Variants in COPG2 observed in about 807,000 individuals in gnomAD.
COPG2 encodes the protein coat protein complex I subunit gamma 2.
A neutral mutation model predicts 46.3 loss-of-function variants in COPG2; 37 were observed. That is an observed-to-expected ratio of 0.80 (90% CI 0.61 to 1.05). COPG2 has a LOEUF of 1.05. Ranked by LOEUF, COPG2 falls within the 50% of genes least tolerant of loss-of-function variation. COPG2 has a pLI of 0.00. For synonymous variants in COPG2, 159 were observed against 129.7 expected (o/e 1.23, Z -1.53); for missense variants, 427 against 387.8 (o/e 1.10, Z -0.85).
intron 20 of COPG2, chr7:130,509,075 A>T (rs1407543513): frequency 8.7e-6 from 4 of 459,012 alleles, no homozygotes; most frequent in Non-Finnish European, 1.3e-5. Flanking sequence ...CATACAGATC[A>T]TCAGATTAAC....
intron 20 of COPG2, among the ~76,000 whole-genome samples, chr7:130,532,705 G>A (rs1799840582): frequency 6.6e-6 from 1 of 152,150 alleles, no homozygotes; most frequent in Admixed American, 6.5e-5. Flanking sequence ...AAGGTATCGG[G>A]AAGGCTTCTG....
chr7:130,517,206 C>G (rs917693676), intron 20 of COPG2, among the ~76,000 whole-genome samples: 10 of 152,042 alleles, frequency 6.6e-5, no homozygotes, highest in Admixed American at 3.9e-4. Context: ...ATTCTTGGAT[C>G]AAGGTTATGA....
In COPG2 at chr7:130,555,143, A is replaced by G. The variant is rs1211403347; in HGVS notation, c.1129-11T>C. ...CTGTACAACCACCACCTGTAGAAAA[A>G]CAAAAAGAATATTCATTTTTATGAC... is the stretch of plus-strand genomic sequence containing the variant. On this transcript the variant is annotated splice_polypyrimidine_tract_variant and intron_variant, in intron 12 of 23. Coordinates refer to ENST00000425248, the MANE Select transcript of COPG2 (RefSeq NM_012133.6). 21 of 398,296 alleles carry G rather than the reference A, an allele frequency of 5.3e-5. No individual in the cohort carries two copies. The highest frequency in any genetic ancestry group is 6.2e-4 in the Middle Eastern group (1 of 1,608). The allele number at this position is 398,296 out of a possible 1,614,324, so 24.7% of individuals were successfully genotyped here.
intron 12 of COPG2, among the ~76,000 whole-genome samples, chr7:130,558,337 C>T (rs1230195368): frequency 6.6e-6 from 1 of 152,062 alleles, no homozygotes; most frequent in Non-Finnish European, 1.5e-5. Flanking sequence ...CTCCTCCACA[C>T]CCCCCTTGGT....
intron 5 of COPG2, among the ~76,000 whole-genome samples, chr7:130,624,205 A>T (rs1254183600): frequency 6.6e-6 from 1 of 152,128 alleles, no homozygotes. Flanking sequence ...ACTTCCCAAC[A>T]CCATGAACTT....
At chr7:130,661,867 A>G (rs563381125) in intron 4 of COPG2, among the ~76,000 whole-genome samples, 11 of 152,342 alleles carry the variant, frequency 7.2e-5, no homozygotes, top group South Asian at 6.2e-4. Flanking sequence ...CCAGAAATCT[A>G]TAACTGCCTT....
chr7:130,575,522 C>A (rs183633264), intron 9 of COPG2, among the ~76,000 whole-genome samples: 2 of 152,240 alleles, frequency 1.3e-5, no homozygotes, highest in Admixed American at 6.5e-5. Flanking sequence ...TTGCCACTAC[C>A]AAGCCACCAC....
intron 9 of COPG2, among the ~76,000 whole-genome samples, chr7:130,577,998 AG>A (rs1554446556): frequency 6.6e-6 from 1 of 152,240 alleles, no homozygotes; most frequent in Non-Finnish European, 1.5e-5. Flanking sequence ...AGCCCACCAC[AG>A]CTCAAGGAGG....
intron 9 of COPG2, among the ~76,000 whole-genome samples, chr7:130,577,789 C>A (rs797041538): frequency 0.015 from 1,869 of 125,020 alleles, 31 homozygotes; most frequent in African/African-American, 0.04. Context: ...AAAAAAAAAA[C>A]AAAAAAAAAA....
chr7:130,645,164 G>A (rs1167270568), intron 5 of COPG2: 2 of 562,006 alleles, frequency 3.6e-6, no homozygotes, highest in Non-Finnish European at 6.9e-6. Flanking sequence ...AAGAAAATAT[G>A]GTCCTCATGC....
At chr7:130,590,485 T>C (rs1445008958) in intron 9 of COPG2, among the ~76,000 whole-genome samples, 4 of 152,180 alleles carry the variant, frequency 2.6e-5, no homozygotes, top group Non-Finnish European at 5.9e-5. Context: ...CTCCAGCTCC[T>C]AACCGCGAGT....
intron 20 of COPG2, among the ~76,000 whole-genome samples, chr7:130,533,527 G>A (rs1799849367): frequency 6.6e-6 from 1 of 152,048 alleles, no homozygotes; most frequent in African/African-American, 2.4e-5. Flanking sequence ...TATCAGTGAG[G>A]GAGAAGGTGA....
chr7:130,545,170 TATTTC>T (rs1221165104), intron 20 of COPG2, among the ~76,000 whole-genome samples: 94,627 of 149,836 alleles, frequency 0.63, 32,828 homozygotes, highest in Non-Finnish European at 0.78. Context: ...ACTTACCTAT[TATTTC>T]ATTTCATTTC....
chr7:130,566,451 A>G, intron 9 of COPG2, among the ~76,000 whole-genome samples: 1 of 152,380 alleles, frequency 6.6e-6, no homozygotes, highest in African/African-American at 2.4e-5. Context: ...TCAATCCAGC[A>G]ATCCCATTAC....
intron 9 of COPG2, among the ~76,000 whole-genome samples, chr7:130,574,058 C>T (rs537818462): frequency 6.6e-6 from 1 of 152,142 alleles, no homozygotes; most frequent in South Asian, 2.1e-4. Flanking sequence ...TTCAGAGCCA[C>T]ATTATTCATA....
chr7:130,562,764 T>G (rs1244363507), intron 11 of COPG2, among the ~76,000 whole-genome samples: 2 of 152,218 alleles, frequency 1.3e-5, no homozygotes, highest in African/African-American at 4.8e-5. Flanking sequence ...AAAATTAATT[T>G]TACCTTAAAA....
chr7:130,603,937 T>C (rs868926703), intron 9 of COPG2: 7 of 472,146 alleles, frequency 1.5e-5, no homozygotes, highest in Middle Eastern at 6.4e-4. Flanking sequence ...ACACGTTTTA[T>C]GTTATATGTA....
intron 20 of COPG2, among the ~76,000 whole-genome samples, chr7:130,545,023 A>G (rs1034499502): frequency 1.3e-5 from 2 of 152,272 alleles, no homozygotes; most frequent in Admixed American, 6.5e-5. Context: ...TTGATGGAAC[A>G]ACTTTCTGGA....
intron 9 of COPG2, among the ~76,000 whole-genome samples, chr7:130,590,994 G>A (rs1385121924): frequency 7.3e-5 from 11 of 151,380 alleles, no homozygotes. Context: ...CACCCCGTCT[G>A]GGAAGTGAGG....
Sources: allele counts gnomAD v4.1 joint callset (sites outside exome capture counted in the v4.1 genomes callset), GRCh38; gene constraint gnomAD v4.1.1; transcripts MANE v1.5; gene names NCBI Gene and HGNC (gene_info 2026-07-23, HGNC 2026-07-21).